IST1: variants seen among roughly 807,000 people sequenced by gnomAD.
The protein encoded by IST1 is IST1 factor associated with ESCRT-III, also known as IST1 homolog.
IST1 carries 23 observed loss-of-function variants against 37.0 expected under a neutral mutation model. That is an observed-to-expected ratio of 0.62 (90% CI 0.45 to 0.88). The LOEUF (loss-of-function observed/expected upper bound fraction) is 0.88, where lower values mean the gene tolerates loss of function less well. IST1 is among the 40% of genes least tolerant of loss of function. The pLI is 0.00. For missense variants in IST1, 488 were observed against 445.4 expected, an observed-to-expected ratio of 1.10 and a Z score of -0.86; for synonymous variants, 180 against 161.7, an observed-to-expected ratio of 1.11 and a Z score of -0.86.
rs1294724489 is a variant in IST1 at position 71,929,701 on chromosome 16, G to A, written c.*1888G>A. On this transcript the variant is annotated 3_prime_UTR_variant, in exon 10 of 10. Coordinates refer to ENST00000378799, the MANE Select transcript of IST1 (RefSeq NM_001270975.2). Reference sequence around the variant, plus strand: ...TTTCTGAGTATTGAAGACAAAAAGAGAAAAGTGAGAAAATTGAAATTACTG... The same window carrying A: ...TTTCTGAGTATTGAAGACAAAAAGAAAAAAGTGAGAAAATTGAAATTACTG... 1 of 1,506,270 alleles carries A rather than the reference G, an allele frequency of 6.6e-7. No homozygotes were observed. The highest frequency in any genetic ancestry group is 1.3e-5 in the South Asian group (1 of 77,548). 93.3% of individuals were successfully genotyped at this position (1,506,270 alleles called of 1,614,324 possible).
Position 71,920,842 on chromosome 16 carries a change from A to C in IST1, c.441+20A>C, listed in dbSNP as rs1185345318. ...GACAGGGTAATGAACATACTTGGTA[A>C]ACATGAAGGCAGTGTGTGGGAGCAG... is the stretch of plus-strand genomic sequence containing the variant. On this transcript the variant is annotated intron_variant, in intron 5 of 9. Coordinates refer to ENST00000378799, the MANE Select transcript of IST1 (RefSeq NM_001270975.2). 2.6e-6 allele frequency: 4 copies of C among 1,555,096 alleles called. No homozygotes were observed. In the South Asian group the frequency reaches 4.5e-5, roughly 17 times the overall value.
intron 1 of IST1, among the ~76,000 whole-genome samples, chr16:71,909,019 A>ATGTTGCT (rs1300892048): frequency 1.3e-5 from 2 of 149,218 alleles, no homozygotes; most frequent in African/African-American, 4.9e-5. Flanking sequence ...AGGACCATCC[A>ATGTTGCT]TGTTGCTTTA....
chr16:71,897,229 C>G (rs1737484080), intron 1 of IST1, among the ~76,000 whole-genome samples: 1 of 150,514 alleles, frequency 6.6e-6, no homozygotes, highest in South Asian at 2.1e-4. Context: ...TTAATGTTGC[C>G]CAGACTGGTC....
At chr16:71,914,886 T>A (rs2037434825) in intron 1 of IST1, among the ~76,000 whole-genome samples, 1 of 152,190 alleles carries the variant, frequency 6.6e-6, no homozygotes, top group South Asian at 2.1e-4. Context: ...GAATGCACAG[T>A]GGTCAGTGCA....
intron 9 of IST1, among the ~76,000 whole-genome samples, chr16:71,926,744 C>T (rs1368318268): frequency 6.6e-6 from 1 of 152,182 alleles, no homozygotes; most frequent in Non-Finnish European, 1.5e-5. Flanking sequence ...CCAGTCAACT[C>T]TGCCCTTCCC....
At chr16:71,895,677 C>A in intron 1 of IST1, 88 bp downstream of exon 1, 1 of 468,130 alleles carries the variant, frequency 2.1e-6, no homozygotes, top group Non-Finnish European at 2.8e-6. Context: ...AGCGCTAGGG[C>A]CCGGGATTCA....
upstream of IST1, chr16:71,895,150 G>A (rs892074245): frequency 2.2e-5 from 6 of 267,864 alleles, no homozygotes; most frequent in East Asian, 1.8e-4. Context: ...AGCAACTCCC[G>A]GCGTCAGAGA....
At position 71,928,754 on chromosome 16, in the gene IST1, G is replaced by T. The variant is rs1320609691; in HGVS notation, c.*941G>T. ...AAAACTAATCTCAGAAAAATTTTTGGTGCCCATGCAGCTGTAGTTGTTCAC... is the reference window on the plus strand; with the variant it reads ...AAAACTAATCTCAGAAAAATTTTTGTTGCCCATGCAGCTGTAGTTGTTCAC... On this transcript the variant is annotated 3_prime_UTR_variant, in exon 10 of 10. Transcript: ENST00000378799. 6.6e-6 allele frequency: 1 copy of T among 152,204 alleles called. No individual in the cohort carries two copies. The highest frequency in any genetic ancestry group is 1.5e-5 in the Non-Finnish European group (1 of 68,026). The allele number at this position is 152,204 out of a possible 1,614,324, so 9.4% of individuals were successfully genotyped here.
intron 4 of IST1, 75 bp from the exon 5 acceptor site, chr16:71,920,664 C>G: frequency 9.7e-7 from 1 of 1,026,496 alleles, no homozygotes; most frequent in African/African-American, 1.6e-5. Flanking sequence ...CGCGTGTTTA[C>G]TGTTGCCAGG....
chr16:71,926,458 C>T (rs2037746111), intron 9 of IST1, among the ~76,000 whole-genome samples: 2 of 151,904 alleles, frequency 1.3e-5, no homozygotes, highest in South Asian at 4.2e-4. Flanking sequence ...ATTCTCCTGC[C>T]TCAACCTCCC....
intron 4 of IST1, among the ~76,000 whole-genome samples, chr16:71,918,715 C>T (rs566489784): frequency 7.9e-5 from 12 of 152,192 alleles, no homozygotes; most frequent in Middle Eastern, 3.4e-3. Flanking sequence ...CATGTTGAGC[C>T]GTTTTTGGTC....
At chr16:71,911,829 A>C (rs1016297182) in intron 1 of IST1, among the ~76,000 whole-genome samples, 1 of 142,084 alleles carries the variant, frequency 7.0e-6, no homozygotes, top group African/African-American at 2.7e-5. Flanking sequence ...TGATCCTCCC[A>C]CTCCTGCCTC....
chr16:71,927,502 A>AG, intron 9 of IST1, 112 bp from the exon 10 acceptor site: 1 of 776,620 alleles, frequency 1.3e-6, no homozygotes, highest in Non-Finnish European at 2.1e-6. Context: ...AAAAAAAAAA[A>AG]GTTTGTGAAC....
At chr16:71,925,410 G>C (rs113111181) in intron 9 of IST1, among the ~76,000 whole-genome samples, 1 of 149,936 alleles carries the variant, frequency 6.7e-6, no homozygotes, top group African/African-American at 2.5e-5. Context: ...TCTGCCTCCC[G>C]GGTTCAGGCT....
Position 71,899,524 on chromosome 16 carries a change from C to T in IST1, c.-16+3935C>T, listed in dbSNP as rs780663543. Among the ~76,000 whole-genome samples, 7 of 152,152 alleles carry T rather than the reference C, an allele frequency of 4.6e-5. No homozygotes were observed. The East Asian group carries it at 1.2e-3, about 25-fold the overall frequency. ...CTCTAACATCACATCTTCATAACTG[C>T]GATACAGTGGTCATACCAAAATTTG... On this transcript the variant is annotated intron_variant, in intron 1 of 9. Coordinates refer to ENST00000378799, the MANE Select transcript of IST1 (RefSeq NM_001270975.2).
chr16:71,900,465 G>A (rs2037082762), intron 1 of IST1, among the ~76,000 whole-genome samples: 1 of 151,346 alleles, frequency 6.6e-6, no homozygotes, highest in African/African-American at 2.4e-5. Flanking sequence ...TATCCTAAGA[G>A]GAAGGACTCA....
intron 1 of IST1, among the ~76,000 whole-genome samples, chr16:71,906,147 G>T (rs1597237547): frequency 6.6e-6 from 1 of 151,748 alleles, no homozygotes; most frequent in African/African-American, 2.4e-5. Flanking sequence ...GAGACTACAG[G>T]CGAGTGCCAC....
At chr16:71,923,267 G>A (rs772162431) in intron 7 of IST1, 21 bp from the exon 8 acceptor site, 14 of 1,500,346 alleles carry the variant, frequency 9.3e-6, no homozygotes, top group Non-Finnish European at 1.3e-5. Context: ...TGTCTCTGAT[G>A]TTGCCTTTCT....
intron 1 of IST1, among the ~76,000 whole-genome samples, chr16:71,909,393 C>G (rs1464454696): frequency 6.6e-6 from 1 of 152,142 alleles, no homozygotes; most frequent in East Asian, 1.9e-4. Context: ...GCATGGACCA[C>G]CGTACTTGGC....
Sources: gnomAD v4.1 joint callset for allele counts (sites outside exome capture counted in the v4.1 genomes callset) on GRCh38, gnomAD v4.1.1 for gene constraint, MANE v1.5 for transcripts, NCBI Gene and HGNC (gene_info 2026-07-23, HGNC 2026-07-21) for gene names.